Variants in USP26 observed in about 807,000 individuals in gnomAD.
The protein encoded by USP26 is ubiquitin specific peptidase 26.
For missense variants in USP26, 649 were observed against 642.3 expected (o/e 1.01, Z -0.11); for synonymous variants, 236 against 240.6 (o/e 0.98, Z 0.18).
chrX:133,080,510 T>A (rs143403449), intron 5 of USP26, among the ~76,000 whole-genome samples: 91 of 111,329 alleles, frequency 8.2e-4, no homozygotes, highest in Non-Finnish European at 1.1e-3. Flanking sequence ...TGGAACAACA[T>A]CACTTACTTA....
chrX:133,063,537 A>G (rs143327805), intron 5 of USP26, among the ~76,000 whole-genome samples: 3,843 of 111,719 alleles, frequency 0.034, 102 homozygotes, highest in East Asian at 0.1. Flanking sequence ...TCTCTCTGCA[A>G]AAAACCTACA....
intron 5 of USP26, among the ~76,000 whole-genome samples, chrX:133,053,554 G>A (rs878964944): frequency 1.9e-5 from 2 of 105,160 alleles, no homozygotes; most frequent in African/African-American, 3.4e-5. Context: ...AAAAAAAAAA[G>A]GAAAAAAAAA....
intron 1 of USP26, among the ~76,000 whole-genome samples, chrX:133,095,631 C>T (rs1357926101): frequency 8.9e-6 from 1 of 112,018 alleles, no homozygotes; most frequent in Non-Finnish European, 1.9e-5. Context: ...GACAGGGTCT[C>T]GCTCTGTCGC....
At chrX:133,038,704 T>C (rs1439786351) in intron 5 of USP26, among the ~76,000 whole-genome samples, 1 of 112,295 alleles carries the variant, frequency 8.9e-6, no homozygotes, top group Admixed American at 9.4e-5. Context: ...AGTCCCTCTT[T>C]TTCTATTGTT....
intron 5 of USP26, among the ~76,000 whole-genome samples, chrX:133,069,791 A>G (rs2148534277): frequency 8.9e-6 from 1 of 111,800 alleles, no homozygotes; most frequent in South Asian, 3.7e-4. Flanking sequence ...TTACTTAATG[A>G]TTTTCTCCAA....
At position 133,042,214 on chromosome X, in the gene USP26, G is replaced by A. The variant is rs767986057; in HGVS notation, c.-76-13918C>T. Among the ~76,000 whole-genome samples, 188 of 111,244 alleles carry A rather than the reference G, an allele frequency of 1.7e-3. 2 individuals are homozygous for A. Among genetic ancestry groups the A allele is most frequent in the African/African-American group, 5.8e-3 (177 of 30,630 alleles). On this transcript the variant is annotated intron_variant, in intron 5 of 5. Transcript: ENST00000511190. ...ACTTCAGCCCCCTTTCCAAGGGAGTGAATAGTTCTGTCTCGCTGGGGTTCC... is the reference window on the plus strand; with the variant it reads ...ACTTCAGCCCCCTTTCCAAGGGAGTAAATAGTTCTGTCTCGCTGGGGTTCC...
chrX:133,048,856 C>T (rs1323132868), intron 5 of USP26, among the ~76,000 whole-genome samples: 1 of 111,837 alleles, frequency 8.9e-6, no homozygotes, highest in Non-Finnish European at 1.9e-5. Flanking sequence ...CAGTTGCATT[C>T]TTTAAAGTCC....
rs753841146 is a variant in USP26 at position 133,086,562 on chromosome X, T to A, written c.-141-2791A>T. On this transcript the variant is annotated intron_variant, in intron 4 of 5. Transcript: ENST00000511190. ...GAGTTTGAGGCTGCAGTGAGCCATG[T>A]TTACATCACAGCACTCCAGCCCGGG... 2.6e-4 allele frequency among the ~76,000 whole-genome samples: 29 copies of A among 109,582 alleles called. No homozygotes were observed. The South Asian group carries it at 0.012, about 44-fold the overall frequency.
intron 5 of USP26, among the ~76,000 whole-genome samples, chrX:133,072,383 C>T (rs1487189454): frequency 8.9e-6 from 1 of 112,259 alleles, no homozygotes; most frequent in East Asian, 2.8e-4. Flanking sequence ...GGCACGCTAT[C>T]ACGTATCCTT....
chrX:133,072,949 T>C (rs770596663), intron 5 of USP26, among the ~76,000 whole-genome samples: 59 of 112,296 alleles, frequency 5.3e-4, no homozygotes, highest in Non-Finnish European at 9.6e-4. Context: ...TATAAAATGA[T>C]TTGGAATACA....
intron 5 of USP26, among the ~76,000 whole-genome samples, chrX:133,059,658 A>G (rs2067488421): frequency 9.1e-6 from 1 of 109,695 alleles, no homozygotes; most frequent in Non-Finnish European, 1.9e-5. Context: ...CTATTAAATT[A>G]ATTCTTAGGA....
intron 5 of USP26, among the ~76,000 whole-genome samples, chrX:133,078,257 T>C (rs770040159): frequency 9.0e-6 from 1 of 111,627 alleles, no homozygotes; most frequent in South Asian, 3.8e-4. Context: ...TGCAGAACTC[T>C]GAGTGCAAAT....
In USP26 at chrX:133,041,818, C is replaced by G. The variant is rs967616061; in HGVS notation, c.-76-13522G>C. On this transcript the variant is annotated intron_variant, in intron 5 of 5. Transcript: ENST00000511190. ...TGCTGAAGCTGTGCCCACAGCCACC[C>G]TTCCTCCTACGTGCTCTGTCCTAGG... Among the ~76,000 whole-genome samples, 16 of 112,281 alleles carry G rather than the reference C, an allele frequency of 1.4e-4. 1 individual carries two copies. Among genetic ancestry groups the G allele is most frequent in the Non-Finnish European group, 2.6e-4 (14 of 53,147 alleles).
chrX:133,034,598 A>G (rs763085315), intron 5 of USP26, among the ~76,000 whole-genome samples: 1 of 112,676 alleles, frequency 8.9e-6, no homozygotes, highest in Non-Finnish European at 1.9e-5. Context: ...CTATAAAATG[A>G]GACTTTTCTT....
At chrX:133,082,727 A>C in intron 5 of USP26, among the ~76,000 whole-genome samples, 1 of 111,810 alleles carries the variant, frequency 8.9e-6, no homozygotes, top group East Asian at 2.8e-4. Flanking sequence ...CAGGAAATGC[A>C]TGTCAGTCCC....
At chrX:133,039,257 G>C (rs150408613) in intron 5 of USP26, among the ~76,000 whole-genome samples, 102 of 111,049 alleles carry the variant, frequency 9.2e-4, no homozygotes, top group African/African-American at 3.3e-3. Context: ...TGTGATGTTA[G>C]GGTGTCAATT....
At chrX:133,046,538 G>C (rs1374230337) in intron 5 of USP26, among the ~76,000 whole-genome samples, 1 of 111,216 alleles carries the variant, frequency 9.0e-6, no homozygotes, top group Admixed American at 9.5e-5. Flanking sequence ...CCCCTAAAAA[G>C]GTGATTCTCA....
intron 4 of USP26, among the ~76,000 whole-genome samples, chrX:133,089,751 C>T (rs1357676653): frequency 1.8e-5 from 2 of 112,036 alleles, no homozygotes. Context: ...ATTCTTACAA[C>T]ATTCTGATAG....
At chrX:133,046,632 CGAGAGAGAGAGA>C (rs34047132) in intron 5 of USP26, among the ~76,000 whole-genome samples, 1 of 104,430 alleles carries the variant, frequency 9.6e-6, no homozygotes, top group Non-Finnish European at 2.0e-5. Context: ...GTGTGTGAGA[CGAGAGAGAGAGA>C]GAGAGAGAGA....
Sources: gnomAD v4.1 joint callset for allele counts (sites outside exome capture counted in the v4.1 genomes callset) on GRCh38, gnomAD v4.1.1 for gene constraint, MANE v1.5 for transcripts, NCBI Gene and HGNC (gene_info 2026-07-23, HGNC 2026-07-21) for gene names.